RPTOR: variants seen among roughly 807,000 people sequenced by gnomAD.
RPTOR encodes regulatory associated protein of MTOR complex 1.
In RPTOR, 21 loss-of-function variants were observed where a neutral mutation model predicts 169.9. The observed-to-expected ratio is 0.12, with a 90% CI of 0.09 to 0.18. The LOEUF (loss-of-function observed/expected upper bound fraction) is 0.18. Ranked by LOEUF, RPTOR falls within the 10% of genes least tolerant of loss-of-function variation. The pLI is 1.00. For missense variants in RPTOR, 1,133 were observed against 1,855.9 expected (o/e 0.61, Z 7.16); for synonymous variants, 732 against 753.2 (o/e 0.97, Z 0.46).
chr17:80,640,166 ACACT>A (rs1415959120), intron 2 of RPTOR, among the ~76,000 whole-genome samples: 3 of 152,132 alleles, frequency 2.0e-5, no homozygotes, highest in Non-Finnish European at 2.9e-5. Context: ...ATTTACCCAC[ACACT>A]CACTCGCCGC....
intron 3 of RPTOR, among the ~76,000 whole-genome samples, chr17:80,658,497 C>G (rs933743091): frequency 6.6e-6 from 1 of 152,142 alleles, no homozygotes; most frequent in African/African-American, 2.4e-5. Flanking sequence ...CTCCCCGCAC[C>G]CCCCTGTCCA....
rs1421832954 is a variant in RPTOR, at chr17:80,744,487, C to T, written c.655-9523C>T. 3.2e-3 allele frequency among the ~76,000 whole-genome samples: 104 copies of T among 32,456 alleles called. 2 individuals carry two copies. Among genetic ancestry groups the T allele is most frequent in the Admixed American group, 0.011 (24 of 2,172 alleles). The allele number at this position is 32,456 out of a possible 152,430, so 21.3% of individuals were successfully genotyped here. On this transcript the variant is annotated intron_variant, in intron 5 of 33. Transcript: ENST00000306801. ...AGCACAGCCCTGGTTACTAGCACAG[C>T]CCTGGCTACTAGCACTGTCCTGGTT...
chr17:80,558,412 G>A (rs1353830580), intron 1 of RPTOR, among the ~76,000 whole-genome samples: 1 of 152,178 alleles, frequency 6.6e-6, no homozygotes, highest in Non-Finnish European at 1.5e-5. Flanking sequence ...GACAGTCGCC[G>A]AGAACAAGTT....
At chr17:80,667,841 C>T (rs527706768) in intron 3 of RPTOR, among the ~76,000 whole-genome samples, 1 of 152,270 alleles carries the variant, frequency 6.6e-6, no homozygotes, top group African/African-American at 2.4e-5. Flanking sequence ...CAGGTGACTG[C>T]TTTTCATTCA....
At chr17:80,729,268 C>T (rs1202405966) in intron 4 of RPTOR, among the ~76,000 whole-genome samples, 1 of 152,190 alleles carries the variant, frequency 6.6e-6, no homozygotes, top group Non-Finnish European at 1.5e-5. Flanking sequence ...TGTGGCTTAG[C>T]TGCTAAGAAA....
intron 10 of RPTOR, among the ~76,000 whole-genome samples, chr17:80,840,526 ACACT>A (rs1246620790): frequency 2.5e-5 from 3 of 119,738 alleles, no homozygotes; most frequent in African/African-American, 3.3e-5. Flanking sequence ...ACGGCAGCTC[ACACT>A]CACCGCACGG....
intron 5 of RPTOR, among the ~76,000 whole-genome samples, chr17:80,733,965 C>T (rs1410360542): frequency 1.3e-5 from 2 of 152,114 alleles, no homozygotes; most frequent in African/African-American, 4.8e-5. Flanking sequence ...TTTTCTTTTA[C>T]AGCTTCTGTT....
intron 24 of RPTOR, among the ~76,000 whole-genome samples, chr17:80,939,388 C>T (rs1400306827): frequency 6.6e-6 from 1 of 152,266 alleles, no homozygotes; most frequent in Non-Finnish European, 1.5e-5. Context: ...CACGCACACA[C>T]ACGCATGCAC....
chr17:80,871,216 C>T (rs932076544), intron 13 of RPTOR, among the ~76,000 whole-genome samples: 22 of 152,200 alleles, frequency 1.4e-4, no homozygotes, highest in African/African-American at 5.1e-4. Flanking sequence ...CGCCATTCTC[C>T]TGCCTCAGCC....
intron 5 of RPTOR, among the ~76,000 whole-genome samples, chr17:80,753,605 C>A (rs1406245849): frequency 7.3e-6 from 1 of 136,576 alleles, no homozygotes; most frequent in Non-Finnish European, 1.5e-5. Flanking sequence ...TGCACTCCAG[C>A]CTGGGCGACA....
intron 28 of RPTOR, among the ~76,000 whole-genome samples, chr17:80,956,677 G>A (rs1193621596): frequency 6.6e-6 from 1 of 152,264 alleles, no homozygotes; most frequent in Non-Finnish European, 1.5e-5. Flanking sequence ...GTCGCTGCAA[G>A]GGTCTGCTCC....
intron 3 of RPTOR, among the ~76,000 whole-genome samples, chr17:80,700,417 G>A (rs1391348259): frequency 3.3e-5 from 5 of 149,652 alleles, no homozygotes; most frequent in Non-Finnish European, 7.4e-5. Flanking sequence ...TGGTGGTGGT[G>A]ATGGTGATGG....
Position 80,964,692 on chromosome 17 carries a change from A to AC in RPTOR, c.*368dup, listed in dbSNP as rs1335290976. 7.2e-6 allele frequency: 2 copies of AC among 279,582 alleles called. No homozygotes were observed. The highest frequency in any genetic ancestry group is 1.4e-5 in the Non-Finnish European group (2 of 146,494). The allele number at this position is 279,582 out of a possible 1,614,324, so 17.3% of individuals were successfully genotyped here. On this transcript the variant is annotated 3_prime_UTR_variant, in exon 34 of 34. Transcript: ENST00000306801. The stretch of plus-strand genomic sequence containing the variant: ...TAATCAGAGCATTAGCTGCAGAAAA[A>AC]CCCCCCGACAGAGCCCTGGCGGAGA...
At chr17:80,774,060 A>C in intron 6 of RPTOR, 1 of 985,388 alleles carries the variant, frequency 1.0e-6, no homozygotes, top group Admixed American at 6.1e-5. Flanking sequence ...TTCTTCGTTG[A>C]AAGAAGCACT....
intron 1 of RPTOR, among the ~76,000 whole-genome samples, chr17:80,607,941 G>T (rs2065240602): frequency 6.6e-6 from 1 of 152,162 alleles, no homozygotes; most frequent in African/African-American, 2.4e-5. Context: ...TTGTGCAGCT[G>T]TAAATCCCAA....
chr17:80,752,328 G>A (rs2066638312), intron 5 of RPTOR, among the ~76,000 whole-genome samples: 1 of 152,240 alleles, frequency 6.6e-6, no homozygotes, highest in South Asian at 2.1e-4. Context: ...CAGCAGGTGG[G>A]CCCTGCATGC....
At chr17:80,863,499 G>C (rs983478372) in intron 13 of RPTOR, among the ~76,000 whole-genome samples, 3 of 152,216 alleles carry the variant, frequency 2.0e-5, no homozygotes, top group Non-Finnish European at 4.4e-5. Context: ...TATTCAAAAA[G>C]TTAAATTGAG....
intron 13 of RPTOR, among the ~76,000 whole-genome samples, chr17:80,867,651 T>C (rs1399594792): frequency 6.6e-6 from 1 of 152,212 alleles, no homozygotes; most frequent in Non-Finnish European, 1.5e-5. Context: ...AAAGTGCTAC[T>C]AGAAAAAATT....
intron 3 of RPTOR, among the ~76,000 whole-genome samples, chr17:80,688,329 C>T (rs2065964532): frequency 6.6e-6 from 1 of 152,204 alleles, no homozygotes; most frequent in African/African-American, 2.4e-5. Flanking sequence ...AAGGTGAAGA[C>T]TTTGCTAAAG....
Sources: allele counts gnomAD v4.1 joint callset (sites outside exome capture counted in the v4.1 genomes callset), GRCh38; gene constraint gnomAD v4.1.1; transcripts MANE v1.5; gene names NCBI Gene and HGNC (gene_info 2026-07-23, HGNC 2026-07-21).